FMN1: variants seen among roughly 807,000 people sequenced by gnomAD.
FMN1 encodes formin 1, also known as formin-1.
FMN1 carries 110 observed loss-of-function variants against 132.4 expected under a neutral mutation model. That is an observed-to-expected ratio of 0.83 (90% CI 0.71 to 0.97). FMN1 has a LOEUF of 0.97. FMN1 is among the 50% of genes least tolerant of loss of function. FMN1 has a pLI of 0.00. For missense variants in FMN1, 1,792 were observed against 1,705.3 expected (o/e 1.05, Z -0.90); for synonymous variants, 722 against 651.7 (o/e 1.11, Z -1.64).
At chr15:32,859,425 C>T (rs1384100065) in intron 16 of FMN1, among the ~76,000 whole-genome samples, 2 of 152,214 alleles carry the variant, frequency 1.3e-5, no homozygotes, top group East Asian at 1.9e-4. Context: ...CATTATTCGG[C>T]ATTCCCAGTT....
intron 17 of FMN1, among the ~76,000 whole-genome samples, chr15:32,856,013 C>G (rs955628932): frequency 6.6e-6 from 1 of 152,134 alleles, no homozygotes; most frequent in Non-Finnish European, 1.5e-5. Flanking sequence ...ATACAGACAA[C>G]CTTTCATCAT....
chr15:33,134,564 T>C (rs924258235), intron 4 of FMN1, among the ~76,000 whole-genome samples: 3 of 152,290 alleles, frequency 2.0e-5, no homozygotes, highest in East Asian at 1.9e-4. Flanking sequence ...CAGTAGTCGA[T>C]TGGGGTAGCC....
At chr15:32,843,685 C>T (rs762439136) in intron 17 of FMN1, among the ~76,000 whole-genome samples, 9 of 152,082 alleles carry the variant, frequency 5.9e-5, no homozygotes, top group African/African-American at 1.7e-4. Context: ...AGTGGGCAGA[C>T]GGTTTGGTTA....
At chr15:32,996,316 T>C (rs2033767024) in intron 7 of FMN1, among the ~76,000 whole-genome samples, 2 of 152,244 alleles carry the variant, frequency 1.3e-5, no homozygotes, top group African/African-American at 4.8e-5. Flanking sequence ...CCTGTTTTTC[T>C]ATCCCACTAT....
chr15:33,122,250 C>T (rs1017794754), intron 4 of FMN1, among the ~76,000 whole-genome samples: 1 of 152,186 alleles, frequency 6.6e-6, no homozygotes, highest in African/African-American at 2.4e-5. Context: ...CTTATTTATT[C>T]TTGTCATATT....
chr15:33,074,115 C>A (rs1044553524), intron 5 of FMN1, among the ~76,000 whole-genome samples: 1 of 152,162 alleles, frequency 6.6e-6, no homozygotes, highest in African/African-American at 2.4e-5. Context: ...TGCTCAAGTG[C>A]AGCACCCAGA....
intron 12 of FMN1, among the ~76,000 whole-genome samples, chr15:32,905,794 C>T (rs1219624046): frequency 6.6e-6 from 1 of 152,156 alleles, no homozygotes; most frequent in Non-Finnish European, 1.5e-5. Flanking sequence ...GAGTTAATGG[C>T]AAATAAGTTG....
At chr15:33,050,088 C>CT (rs1407875713) in intron 6 of FMN1, among the ~76,000 whole-genome samples, 1 of 152,204 alleles carries the variant, frequency 6.6e-6, no homozygotes, top group Non-Finnish European at 1.5e-5. Context: ...TTCAATGATT[C>CT]TGCCCAACTG....
chr15:32,959,079 G>A (rs1008499369), intron 9 of FMN1, among the ~76,000 whole-genome samples: 23 of 149,790 alleles, frequency 1.5e-4, no homozygotes, highest in Non-Finnish European at 1.8e-4. Flanking sequence ...TCATATTCAC[G>A]TTTCAATGCT....
At chr15:32,960,685 C>A (rs1596348498) in intron 9 of FMN1, among the ~76,000 whole-genome samples, 1 of 152,052 alleles carries the variant, frequency 6.6e-6, no homozygotes. Flanking sequence ...TGATGATGAA[C>A]CCCATGATGT....
chr15:33,054,836 G>A (rs1488508555), intron 6 of FMN1, among the ~76,000 whole-genome samples: 1 of 152,184 alleles, frequency 6.6e-6, no homozygotes, highest in African/African-American at 2.4e-5. Context: ...TCATAGATCA[G>A]TTCTAGCTAC....
chr15:32,923,523 G>C (rs1194837594), intron 10 of FMN1, among the ~76,000 whole-genome samples: 1 of 152,198 alleles, frequency 6.6e-6, no homozygotes, highest in Non-Finnish European at 1.5e-5. Flanking sequence ...GTGGATCACA[G>C]AGGTGCTTGA....
At chr15:32,868,879 A>C (rs1209517378) in intron 16 of FMN1, among the ~76,000 whole-genome samples, 4 of 152,300 alleles carry the variant, frequency 2.6e-5, no homozygotes, top group African/African-American at 9.6e-5. Flanking sequence ...TTTCTCCTCT[A>C]AAAAACATTC....
intron 20 of FMN1, among the ~76,000 whole-genome samples, chr15:32,774,821 T>C (rs2056362852): frequency 6.6e-6 from 1 of 152,156 alleles, no homozygotes; most frequent in Non-Finnish European, 1.5e-5. Context: ...GATGACCAGA[T>C]TTAGTCTCTG....
intron 4 of FMN1, among the ~76,000 whole-genome samples, chr15:33,121,992 A>T (rs1452904859): frequency 6.6e-6 from 1 of 152,246 alleles, no homozygotes; most frequent in African/African-American, 2.4e-5. Flanking sequence ...TACTGCAAGC[A>T]AACAATATGA....
chr15:33,081,500 T>C (rs2038458052), intron 5 of FMN1, among the ~76,000 whole-genome samples: 1 of 152,198 alleles, frequency 6.6e-6, no homozygotes, highest in East Asian at 1.9e-4. Flanking sequence ...GCAGAATTTT[T>C]ACTGGATGAG....
At chr15:33,100,328 G>C (rs1471986330) in intron 4 of FMN1, among the ~76,000 whole-genome samples, 3 of 151,080 alleles carry the variant, frequency 2.0e-5, no homozygotes, top group Non-Finnish European at 4.4e-5. Flanking sequence ...TCAATATTAA[G>C]ATAACACAGG....
At chr15:32,839,198 C>T (rs866316336) in intron 17 of FMN1, among the ~76,000 whole-genome samples, 1 of 152,152 alleles carries the variant, frequency 6.6e-6, no homozygotes, top group South Asian at 2.1e-4. Flanking sequence ...CAGGCAGCTT[C>T]GGGTCTACCG....
At chr15:32,780,153 G>A (rs1022331614) in intron 19 of FMN1, among the ~76,000 whole-genome samples, 2 of 152,204 alleles carry the variant, frequency 1.3e-5, no homozygotes, top group Non-Finnish European at 2.9e-5. Flanking sequence ...TCAGAAGCAT[G>A]TGAACCAGAG....
Sources: gnomAD v4.1 joint callset for allele counts (sites outside exome capture counted in the v4.1 genomes callset) on GRCh38, gnomAD v4.1.1 for gene constraint, MANE v1.5 for transcripts, NCBI Gene and HGNC (gene_info 2026-07-23, HGNC 2026-07-21) for gene names.